MEF2A: variants seen among roughly 807,000 people sequenced by gnomAD.
MEF2A encodes the protein myocyte enhancer factor 2A.
Under a neutral mutation model 55.8 loss-of-function variants are expected in MEF2A, and 28 were observed. The ratio of observed to expected loss-of-function variants is 0.50; its 90% confidence interval spans 0.37 to 0.69. The LOEUF is 0.69. MEF2A is among the 30% of genes least tolerant of loss of function. MEF2A has a pLI of 0.00. For missense variants in MEF2A, 528 were observed against 626.2 expected, an observed-to-expected ratio of 0.84 and a Z score of 1.67; for synonymous variants, 239 against 227.1, an observed-to-expected ratio of 1.05 and a Z score of -0.47.
chr15:99,567,000 A>G (rs1222330654), intron 1 of MEF2A, among the ~76,000 whole-genome samples: 1 of 152,248 alleles, frequency 6.6e-6, no homozygotes, highest in Non-Finnish European at 1.5e-5. Context: ...GGGTTAAAGT[A>G]AGTGAGATAG....
chr15:99,624,636 T>A (rs1451306996), intron 2 of MEF2A, among the ~76,000 whole-genome samples: 1 of 152,192 alleles, frequency 6.6e-6, no homozygotes, highest in African/African-American at 2.4e-5. Flanking sequence ...TTTTTCAAGA[T>A]TATTTTGGCT....
At chr15:99,690,973 C>G (rs1489960150) in intron 8 of MEF2A, among the ~76,000 whole-genome samples, 2 of 152,006 alleles carry the variant, frequency 1.3e-5, no homozygotes, top group African/African-American at 4.8e-5. Context: ...ATGTTCCCAA[C>G]AAATAGAAAG....
At chr15:99,624,312 T>C (rs2153322683) in intron 2 of MEF2A, among the ~76,000 whole-genome samples, 1 of 152,380 alleles carries the variant, frequency 6.6e-6, no homozygotes, top group East Asian at 1.9e-4. Context: ...TTTATAGTTT[T>C]AGCAGTTGGG....
At chr15:99,596,176 C>A (rs7162940) in intron 1 of MEF2A, among the ~76,000 whole-genome samples, 57,277 of 151,984 alleles carry the variant, frequency 0.38, 12,820 homozygotes, top group Non-Finnish European at 0.5. Context: ...TTGAGGAATG[C>A]ATTTTGAGAT....
At chr15:99,572,977 A>G (rs1346101759) in intron 1 of MEF2A, among the ~76,000 whole-genome samples, 1 of 152,200 alleles carries the variant, frequency 6.6e-6, no homozygotes, top group Non-Finnish European at 1.5e-5. Context: ...TTCTCAGTAA[A>G]TGTTGAATTG....
chr15:99,695,285 ATAT>A (rs1489669058), intron 8 of MEF2A, among the ~76,000 whole-genome samples: 6 of 152,198 alleles, frequency 3.9e-5, no homozygotes, highest in Admixed American at 2.6e-4. Context: ...CATGATGTAA[ATAT>A]TATTTGAAGA....
intron 2 of MEF2A, among the ~76,000 whole-genome samples, chr15:99,607,872 G>T (rs559599906): frequency 3.3e-5 from 5 of 152,086 alleles, no homozygotes; most frequent in African/African-American, 4.8e-5. Context: ...AATGATTTTC[G>T]TAATACTATG....
chr15:99,653,243 A>G (rs2047144742), intron 4 of MEF2A, among the ~76,000 whole-genome samples: 1 of 152,218 alleles, frequency 6.6e-6, no homozygotes, highest in African/African-American at 2.4e-5. Context: ...TAATGCGGAC[A>G]TGCAGTTTTG....
intron 7 of MEF2A, among the ~76,000 whole-genome samples, chr15:99,680,485 C>G (rs2053039323): frequency 6.6e-6 from 1 of 152,104 alleles, no homozygotes; most frequent in South Asian, 2.1e-4. Context: ...AACAATCTTT[C>G]TGGAAAGGTT....
intron 1 of MEF2A, among the ~76,000 whole-genome samples, chr15:99,595,391 C>T (rs2153009601): frequency 6.6e-6 from 1 of 152,122 alleles, no homozygotes; most frequent in South Asian, 2.1e-4. Context: ...TCATTAAGGA[C>T]TTTTCCACCA....
Position 99,712,343 on chromosome 15 carries a change from C to T in MEF2A, c.1137-47C>T, listed in dbSNP as rs181508435. On this transcript the variant is annotated intron_variant, in intron 11 of 11. Transcript: ENST00000557942. The surrounding 1 kb of genome is among the most constrained non-coding windows in gnomAD (Gnocchi z 4.1). ...TCTCTACTGTATCATCCCAGTTTTG[C>T]AGAGGTACTTGCAAGCCATCTGACC... The T allele has an allele frequency of 8.8e-6, 13 of 1,482,882 alleles. No individual in the cohort carries two copies. In the African/African-American group the frequency reaches 1.7e-4, roughly 19 times the overall value. 91.9% of individuals were successfully genotyped at this position (1,482,882 alleles called of 1,614,324 possible).
At chr15:99,652,989 T>A (rs1441999992) in intron 4 of MEF2A, among the ~76,000 whole-genome samples, 1 of 152,194 alleles carries the variant, frequency 6.6e-6, no homozygotes, top group Non-Finnish European at 1.5e-5. Context: ...GTGCTTTTGT[T>A]AGATACACTT....
At chr15:99,640,478 C>T (rs982689190) in intron 3 of MEF2A, among the ~76,000 whole-genome samples, 1 of 151,620 alleles carries the variant, frequency 6.6e-6, no homozygotes, top group African/African-American at 2.4e-5. Flanking sequence ...TCTTCCTTTC[C>T]TTTTCTTTTT....
Position 99,597,143 on chromosome 15 carries a change from ACT to A in MEF2A, c.-224-1284_-224-1283del, listed in dbSNP as rs887340120. Among the ~76,000 whole-genome samples, 46 of 152,180 alleles carry A rather than the reference ACT, an allele frequency of 3.0e-4. 1 individual carries two copies. Among genetic ancestry groups the A allele is most frequent in the African/African-American group, 1.0e-3 (42 of 41,512 alleles). ...TAGGCAGCAAGAGAGATAACCTTAA[ACT>A]CTGACTGCCGGTGAGCCGGGTGGAA... On this transcript the variant is annotated intron_variant, in intron 1 of 11. Coordinates refer to ENST00000557942, the MANE Select transcript of MEF2A (RefSeq NM_001319206.4).
chr15:99,666,021 C>G (rs1448228722), intron 4 of MEF2A, among the ~76,000 whole-genome samples: 1 of 152,122 alleles, frequency 6.6e-6, no homozygotes, highest in African/African-American at 2.4e-5. Flanking sequence ...TGGTGGAAGA[C>G]AGTGTGGTGA....
At chr15:99,595,468 C>T (rs1168424617) in intron 1 of MEF2A, among the ~76,000 whole-genome samples, 2 of 152,022 alleles carry the variant, frequency 1.3e-5, no homozygotes, top group Non-Finnish European at 2.9e-5. Context: ...AGAATGTAAG[C>T]TCTATGAAGT....
chr15:99,674,676 A>G (rs2051570284), intron 6 of MEF2A, 64 bp downstream of exon 6: 15 of 1,321,392 alleles, frequency 1.1e-5, no homozygotes, highest in East Asian at 2.3e-5. Context: ...CATTGCTAAC[A>G]TAAGCAGTTT....
At chr15:99,657,384 T>G (rs2047916808) in intron 4 of MEF2A, 1 of 152,064 alleles carries the variant, frequency 6.6e-6, no homozygotes, top group Admixed American at 6.6e-5. Context: ...TGGTTGATTT[T>G]TTTTAAAATT....
chr15:99,594,658 C>G (rs977297770), intron 1 of MEF2A, among the ~76,000 whole-genome samples: 1 of 152,028 alleles, frequency 6.6e-6, no homozygotes, highest in African/African-American at 2.4e-5. Flanking sequence ...TACCTAGGGC[C>G]CCCTAGTCAC....
Sources: gnomAD v4.1 joint callset for allele counts (sites outside exome capture counted in the v4.1 genomes callset) on GRCh38, gnomAD v4.1.1 for gene constraint, Gnocchi (gnomAD v3.1) non-coding constraint, MANE v1.5 for transcripts, NCBI Gene and HGNC (gene_info 2026-07-23, HGNC 2026-07-21) for gene names.